The following CHKA variants were observed in gnomAD, a reference collection of about 807,000 sequenced individuals.
The protein encoded by CHKA is choline kinase alpha, also known as CHETK-alpha.
CHKA carries 34 observed loss-of-function variants against 60.1 expected under a neutral mutation model. The observed-to-expected ratio is 0.57, with a 90% CI of 0.43 to 0.75. The LOEUF (loss-of-function observed/expected upper bound fraction) is 0.75. Ranked by LOEUF, CHKA falls within the 30% of genes least tolerant of loss-of-function variation. The pLI, the probability that CHKA is intolerant of heterozygous loss-of-function variation, is 0.00. For missense variants in CHKA, 563 were observed against 561.3 expected (o/e 1.00, Z -0.03); for synonymous variants, 217 against 223.1 (o/e 0.97, Z 0.24).
At chr11:68,082,827 A>C (rs1475709945) in intron 2 of CHKA, among the ~76,000 whole-genome samples, 1 of 152,250 alleles carries the variant, frequency 6.6e-6, no homozygotes, top group Non-Finnish European at 1.5e-5. Context: ...AGAAAGTACA[A>C]ATGGGGATTT....
chr11:68,069,714 G>A (rs1856553298), intron 6 of CHKA, among the ~76,000 whole-genome samples: 1 of 151,702 alleles, frequency 6.6e-6, no homozygotes, highest in Non-Finnish European at 1.5e-5. Flanking sequence ...GTAAATACTT[G>A]TTAGTGTACA....
At chr11:68,090,345 A>T (rs1387440090) in intron 2 of CHKA, among the ~76,000 whole-genome samples, 1 of 151,800 alleles carries the variant, frequency 6.6e-6, no homozygotes, top group African/African-American at 2.4e-5. Context: ...AGTGAACAGA[A>T]CAACTTAAAT....
At chr11:68,095,724 A>AC (rs1257284753) in intron 2 of CHKA, among the ~76,000 whole-genome samples, 8 of 142,878 alleles carry the variant, frequency 5.6e-5, no homozygotes, top group East Asian at 2.1e-4. Flanking sequence ...AAAAAAAAAA[A>AC]AAAAAAAAAA....
At chr11:68,084,314 GTGTATA>G (rs1857090135) in intron 2 of CHKA, among the ~76,000 whole-genome samples, 1 of 135,082 alleles carries the variant, frequency 7.4e-6, no homozygotes, top group African/African-American at 2.8e-5. Context: ...GTATATACAT[GTGTATA>G]TATATACACA....
chr11:68,111,273 G>A (rs1319949643), intron 1 of CHKA, among the ~76,000 whole-genome samples: 2 of 152,080 alleles, frequency 1.3e-5, no homozygotes, highest in Non-Finnish European at 2.9e-5. Flanking sequence ...TTAGCTGGGC[G>A]TGGTGGTGGG....
At chr11:68,084,446 A>G (rs1016409090) in intron 2 of CHKA, among the ~76,000 whole-genome samples, 11 of 140,900 alleles carry the variant, frequency 7.8e-5, no homozygotes, top group African/African-American at 2.3e-4. Context: ...ACGTATATAT[A>G]TGTGTGTATA....
At chr11:68,085,849 C>T (rs556813106) in intron 2 of CHKA, among the ~76,000 whole-genome samples, 17 of 152,140 alleles carry the variant, frequency 1.1e-4, no homozygotes, top group African/African-American at 3.6e-4. Context: ...CTGCAACCTC[C>T]ACCTCCTGGG....
At chr11:68,106,203 T>C (rs907608995) in intron 1 of CHKA, among the ~76,000 whole-genome samples, 2 of 152,086 alleles carry the variant, frequency 1.3e-5, no homozygotes, top group East Asian at 1.9e-4. Context: ...ATCAGGACGG[T>C]ATTAACCCCC....
Position 68,115,691 on chromosome 11 carries a change from C to A in CHKA, c.350+5137G>T, listed in dbSNP as rs573060702. 2.0e-5 allele frequency among the ~76,000 whole-genome samples: 3 copies of A among 152,002 alleles called. No individual in the cohort carries two copies. In the South Asian group the frequency reaches 6.2e-4, roughly 32 times the overall value. On this transcript the variant is annotated intron_variant, in intron 1 of 11. Coordinates refer to ENST00000265689, the MANE Select transcript of CHKA (RefSeq NM_001277.3). ...TCCCCCATTTCTAAACAAACAAATA[C>A]AAGTTGCTCTAAAAAATATAGTGTA...
intron 1 of CHKA, among the ~76,000 whole-genome samples, 168 bp from the exon 2 acceptor site, chr11:68,097,298 CCTTT>C (rs1201052035): frequency 6.6e-6 from 1 of 152,160 alleles, no homozygotes; most frequent in Non-Finnish European, 1.5e-5. Flanking sequence ...AGACAAATTC[CCTTT>C]CTGTTTTTCT....
intron 1 of CHKA, among the ~76,000 whole-genome samples, chr11:68,100,275 C>A (rs936297386): frequency 4.6e-5 from 7 of 152,150 alleles, no homozygotes; most frequent in Non-Finnish European, 1.0e-4. Flanking sequence ...GGCATAATAG[C>A]TTTATAAGTC....
intron 11 of CHKA, among the ~76,000 whole-genome samples, chr11:68,054,576 G>T (rs1477204832): frequency 6.6e-6 from 1 of 152,046 alleles, no homozygotes; most frequent in East Asian, 1.9e-4. Flanking sequence ...TATTTTTCTG[G>T]GATTGTGTTG....
intron 1 of CHKA, among the ~76,000 whole-genome samples, chr11:68,119,297 G>A (rs893263105): frequency 5.3e-5 from 8 of 152,144 alleles, no homozygotes; most frequent in Non-Finnish European, 1.0e-4. Context: ...GAAGCTCAAA[G>A]AGTTAATTTT....
At position 68,066,576 on chromosome 11, in the gene CHKA, C is replaced by G. The variant is rs1004929398; in HGVS notation, c.929-60G>C. On this transcript the variant is annotated intron_variant, in intron 7 of 11. Coordinates refer to ENST00000265689, the MANE Select transcript of CHKA (RefSeq NM_001277.3). ...ACAATAGAAGGCTCAAGTCCTTGAA[C>G]AGCAGAGCCGAGAGAATGGATTTGA... The G allele has an allele frequency of 3.1e-6, 4 of 1,292,648 alleles. No homozygotes were observed. In the African/African-American group the frequency reaches 5.9e-5, roughly 19 times the overall value. The allele number at this position is 1,292,648 out of a possible 1,614,324, so 80.1% of individuals were successfully genotyped here.
chr11:68,097,169 G>T, intron 1 of CHKA, 39 bp from the exon 2 acceptor site: 1 of 1,497,998 alleles, frequency 6.7e-7, no homozygotes, highest in Non-Finnish European at 9.3e-7. Context: ...CTTTATTGCA[G>T]GTGAGCTAAA....
chr11:68,068,914 G>C lies in CHKA; in HGVS notation c.893C>G (p.Ser298Cys). ...NLRSLLESTPSPVVFCHNDCQ... is the reference protein window; with the variant it reads ...NLRSLLESTPCPVVFCHNDCQ... ...GTCATTATGACAAAATACAACTGGA[G>C]ATGGAGTAGATTCAAGCAATGATCT... The change falls in exon 7 of 12, where the codon TCT (serine) becomes TGT (cysteine). Residue 298 changes from serine (S) to cysteine (C), a missense_variant. Coordinates refer to ENST00000265689, the MANE Select transcript of CHKA (RefSeq NM_001277.3). The C allele has an allele frequency of 6.2e-7, 1 of 1,612,472 alleles. No individual in the cohort carries two copies. The highest frequency in any genetic ancestry group is 1.7e-5 in the Admixed American group (1 of 60,004).
At chr11:68,084,437 C>T (rs1590857945) in intron 2 of CHKA, among the ~76,000 whole-genome samples, 1 of 116,170 alleles carries the variant, frequency 8.6e-6, no homozygotes, top group African/African-American at 3.2e-5. Flanking sequence ...CATATATATA[C>T]GTATATATAT....
chr11:68,092,231 T>C (rs1857373454), intron 2 of CHKA, among the ~76,000 whole-genome samples: 1 of 152,266 alleles, frequency 6.6e-6, no homozygotes, highest in African/African-American at 2.4e-5. Context: ...TTGGGGGCTC[T>C]GTATTTGCTC....
At chr11:68,107,931 G>A (rs746908344) in intron 1 of CHKA, among the ~76,000 whole-genome samples, 2 of 152,070 alleles carry the variant, frequency 1.3e-5, no homozygotes, top group South Asian at 2.1e-4. Flanking sequence ...CGAAAGACAC[G>A]GAAATTACGA....
Sources: gnomAD v4.1 joint callset for allele counts (sites outside exome capture counted in the v4.1 genomes callset) on GRCh38, gnomAD v4.1.1 for gene constraint, MANE v1.5 for transcripts, NCBI Gene and HGNC (gene_info 2026-07-23, HGNC 2026-07-21) for gene names.